The following SYT6 variants were observed in gnomAD, a reference collection of about 807,000 sequenced individuals.
SYT6 encodes synaptotagmin 6, also known as synaptotagmin-6.
A neutral mutation model predicts 38.4 loss-of-function variants in SYT6; 24 were observed. The ratio of observed to expected loss-of-function variants is 0.62; its 90% CI spans 0.45 to 0.88. The LOEUF (loss-of-function observed/expected upper bound fraction) is 0.88. Among genes scored for constraint, SYT6 ranks in the 40% least tolerant of loss-of-function variants. The pLI, the probability that SYT6 is intolerant of heterozygous loss-of-function variation, is 0.00. For synonymous variants in SYT6, 265 were observed against 241.9 expected, an observed-to-expected ratio of 1.10 and a Z score of -0.89; for missense variants, 611 against 621.0, an observed-to-expected ratio of 0.98 and a Z score of 0.17.
chr1:114,109,964 C>T (rs1007478457), intron 3 of SYT6, among the ~76,000 whole-genome samples: 16 of 152,138 alleles, frequency 1.1e-4, no homozygotes, highest in African/African-American at 2.9e-4. Flanking sequence ...AGGGAGTGTT[C>T]GGGGCGCATG....
rs1478758574 is a variant in SYT6, at chr1:114,090,121, A to C, written c.*2013T>G. 1 of 152,354 alleles carries C rather than the reference A, an allele frequency of 6.6e-6. No homozygotes were observed. The highest frequency in any genetic ancestry group is 1.5e-5 in the Non-Finnish European group (1 of 68,044). The allele number at this position is 152,354 out of a possible 1,614,324, so 9.4% of individuals were successfully genotyped here. On this transcript the variant is annotated 3_prime_UTR_variant, in exon 8 of 8. Coordinates refer to ENST00000610222, the MANE Select transcript of SYT6 (RefSeq NM_001253772.2). ...ACTCAGTTGTCTCCTTTGTAATGGC[A>C]AGGCCTTCAGCATCTGTTCACTGAC...
chr1:114,097,937 C>T, intron 5 of SYT6, 60 bp from the exon 6 acceptor site: 2 of 1,593,314 alleles, frequency 1.3e-6, no homozygotes, highest in Non-Finnish European at 1.7e-6. Context: ...AAAAGGAGGT[C>T]CAGTGTGGGG....
chr1:114,109,015 G>GA (rs1420878649), intron 3 of SYT6, among the ~76,000 whole-genome samples: 1 of 152,168 alleles, frequency 6.6e-6, no homozygotes, highest in Non-Finnish European at 1.5e-5. Context: ...GAGGGTAGGG[G>GA]GGCTGGAAGA....
chr1:114,112,910 G>A (rs965779911), intron 3 of SYT6, among the ~76,000 whole-genome samples: 4 of 152,158 alleles, frequency 2.6e-5, no homozygotes, highest in African/African-American at 9.7e-5. Context: ...AGGGCTGTGG[G>A]GGCTGGGACT....
chr1:114,111,306 G>T (rs963498202), intron 3 of SYT6, among the ~76,000 whole-genome samples: 3 of 152,136 alleles, frequency 2.0e-5, no homozygotes, highest in Admixed American at 6.5e-5. Flanking sequence ...TTGGGAGATG[G>T]CTACTACTAT....
At chr1:114,113,598 T>A (rs931506072) in intron 3 of SYT6, among the ~76,000 whole-genome samples, 1 of 152,204 alleles carries the variant, frequency 6.6e-6, no homozygotes, top group African/African-American at 2.4e-5. Context: ...TGAGACATCT[T>A]TGTGGACATC....
In SYT6 at chr1:114,103,655, G is replaced by A; in HGVS notation, c.1138C>T (p.Leu380Phe). The A allele has an allele frequency of 6.2e-7, 1 of 1,614,202 alleles. No individual in the cohort carries two copies. The highest frequency in any genetic ancestry group is 8.5e-7 in the Non-Finnish European group (1 of 1,180,038). ...AGGTTCCGACACTTAATCACTGTGA[G>A]GGTGAGCCTGCCTGCAGTGGGCAGG... ...CYLPTAGRLT[L>F]TVIKCRNLKA... Residue 380 changes from leucine to phenylalanine, a missense_variant, in exon 4 of 8, where the codon CTC (leucine) becomes TTC (phenylalanine). By Grantham distance (22) the Leu-to-Phe change is conservative. Transcript: ENST00000610222.
intron 1 of SYT6, among the ~76,000 whole-genome samples, 191 bp downstream of exon 1, chr1:114,153,419 C>T (rs1679549792): frequency 6.6e-6 from 1 of 152,250 alleles, no homozygotes; most frequent in African/African-American, 2.4e-5. Flanking sequence ...ACCCCAACCT[C>T]CGCTCCCCTT....
At chr1:114,128,613 C>T (rs907934424) in intron 3 of SYT6, among the ~76,000 whole-genome samples, 3 of 152,152 alleles carry the variant, frequency 2.0e-5, no homozygotes, top group Non-Finnish European at 4.4e-5. Context: ...TTGTCAAGGC[C>T]GATGATAAGC....
chr1:114,102,118 C>T (rs552807480), intron 4 of SYT6, among the ~76,000 whole-genome samples: 15 of 152,348 alleles, frequency 9.8e-5, no homozygotes, highest in Admixed American at 6.5e-4. Context: ...AATTTAATTA[C>T]ACCAGAGAAG....
chr1:114,103,800 C>T (rs535447842), intron 3 of SYT6, 79 bp from the exon 4 acceptor site: 104 of 1,529,786 alleles, frequency 6.8e-5, no homozygotes, highest in Admixed American at 9.9e-5. Flanking sequence ...TCTGCTGGGG[C>T]GCTCTGGGGT....
At chr1:114,103,791 C>T in intron 3 of SYT6, 70 bp from the exon 4 acceptor site, 1 of 1,553,360 alleles carries the variant, frequency 6.4e-7, no homozygotes, top group Non-Finnish European at 8.7e-7. Flanking sequence ...AGTGCAGTAT[C>T]TGCTGGGGCG....
intron 3 of SYT6, among the ~76,000 whole-genome samples, chr1:114,136,376 C>G (rs192036048): frequency 6.6e-6 from 1 of 152,342 alleles, no homozygotes; most frequent in African/African-American, 2.4e-5. Flanking sequence ...GCCCCTCAAC[C>G]TGTTAGCACT....
intron 1 of SYT6, among the ~76,000 whole-genome samples, chr1:114,147,178 A>G (rs1198255917): frequency 1.3e-5 from 2 of 152,228 alleles, no homozygotes; most frequent in East Asian, 3.8e-4. Context: ...GAGACGTAAC[A>G]CAAACTATGG....
rs1678587252 is a variant in SYT6, at chr1:114,137,875, C to T, written c.691G>A (p.Gly231Arg). 5.0e-6 allele frequency: 8 copies of T among 1,613,806 alleles called. No homozygotes were observed. Among genetic ancestry groups the T allele is most frequent in the South Asian group, 1.1e-5 (1 of 91,032 alleles). The change falls in exon 3 of 8, where the codon GGG becomes AGG. Residue 231 changes from glycine (G) to arginine (R), a missense_variant. Coordinates refer to ENST00000610222, the MANE Select transcript of SYT6 (RefSeq NM_001253772.2). Reference sequence around the variant, plus strand: ...TAGCGTAGGCTGAAGTTGATCTTCCCGCAGCTCTTGGTGGCCTCAGACTTG... The same window carrying T: ...TAGCGTAGGCTGAAGTTGATCTTCCTGCAGCTCTTGGTGGCCTCAGACTTG... ...DAKSEATKSC[G>R]KINFSLRYDY...
chr1:114,104,301 G>A (rs1676145683), intron 3 of SYT6, among the ~76,000 whole-genome samples: 1 of 152,172 alleles, frequency 6.6e-6, no homozygotes, highest in Non-Finnish European at 1.5e-5. Flanking sequence ...AGTGTTTGAT[G>A]CCAGGCCTCA....
intron 1 of SYT6, among the ~76,000 whole-genome samples, chr1:114,150,680 T>C (rs1376756771): frequency 1.3e-5 from 2 of 152,210 alleles, no homozygotes; most frequent in Non-Finnish European, 2.9e-5. Context: ...AGTTCATTCA[T>C]TTCTACAAGG....
chr1:114,117,200 T>C (rs1677046874), intron 3 of SYT6, among the ~76,000 whole-genome samples: 3 of 152,226 alleles, frequency 2.0e-5, no homozygotes, highest in Admixed American at 2.0e-4. Flanking sequence ...ATGGGCAGTA[T>C]TGTCATGCTT....
intron 3 of SYT6, among the ~76,000 whole-genome samples, chr1:114,105,578 C>T (rs1446854830): frequency 2.0e-5 from 3 of 152,248 alleles, no homozygotes; most frequent in Admixed American, 6.5e-5. Flanking sequence ...CACAGAACCA[C>T]GTGGCCTCCG....
Sources: gnomAD v4.1 joint callset for allele counts (sites outside exome capture counted in the v4.1 genomes callset) on GRCh38, gnomAD v4.1.1 for gene constraint, MANE v1.5 for transcripts, NCBI Gene and HGNC (gene_info 2026-07-23, HGNC 2026-07-21) for gene names.